Variants in TMEM132C observed in about 807,000 individuals in gnomAD.
TMEM132C encodes the protein transmembrane protein 132C.
Under a neutral mutation model 61.4 loss-of-function variants are expected in TMEM132C, and 29 were observed. The ratio of observed to expected loss-of-function variants is 0.47; its 90% CI spans 0.35 to 0.64. The LOEUF (loss-of-function observed/expected upper bound fraction) is 0.64. Among genes scored for constraint, TMEM132C ranks in the 30% least tolerant of loss-of-function variants. The pLI is 0.00. For missense variants in TMEM132C, 1,408 were observed against 1,476.9 expected, an observed-to-expected ratio of 0.95 and a Z score of 0.76; for synonymous variants, 656 against 633.1, an observed-to-expected ratio of 1.04 and a Z score of -0.54.
chr12:128,398,460 C>A (rs1429917269), intron 1 of TMEM132C, among the ~76,000 whole-genome samples: 1 of 152,200 alleles, frequency 6.6e-6, no homozygotes, highest in Non-Finnish European at 1.5e-5. Flanking sequence ...GGTTTTCATC[C>A]TCATGTGTGA....
intron 3 of TMEM132C, among the ~76,000 whole-genome samples, chr12:128,589,565 G>A (rs60519508): frequency 0.12 from 16,203 of 140,388 alleles, 2,824 homozygotes; most frequent in African/African-American, 0.38. Context: ...GTGACGCATC[G>A]TATAGTAGTA....
At chr12:128,479,537 C>G (rs1871257709) in intron 2 of TMEM132C, among the ~76,000 whole-genome samples, 1 of 152,154 alleles carries the variant, frequency 6.6e-6, no homozygotes, top group Admixed American at 6.5e-5. Context: ...TTGCAGGGTC[C>G]ATTGATAAAG....
chr12:128,485,007 G>A (rs1005874065), intron 2 of TMEM132C, among the ~76,000 whole-genome samples: 11 of 152,050 alleles, frequency 7.2e-5, no homozygotes, highest in Admixed American at 1.3e-4. Flanking sequence ...AGCGAAGGAA[G>A]GAAGGTTGGT....
chr12:128,625,584 C>T (rs1288454515), intron 4 of TMEM132C, among the ~76,000 whole-genome samples: 1 of 152,124 alleles, frequency 6.6e-6, no homozygotes, highest in Non-Finnish European at 1.5e-5. Context: ...GAATTTCGAA[C>T]CAAGTGAAAG....
At chr12:128,469,562 C>T (rs554066657) in intron 2 of TMEM132C, among the ~76,000 whole-genome samples, 1 of 151,992 alleles carries the variant, frequency 6.6e-6, no homozygotes, top group Non-Finnish European at 1.5e-5. Context: ...AGAGATACAC[C>T]CAGCTTTACA....
intron 1 of TMEM132C, among the ~76,000 whole-genome samples, chr12:128,283,060 T>G (rs1368565386): frequency 6.6e-6 from 1 of 152,212 alleles, no homozygotes; most frequent in Non-Finnish European, 1.5e-5. Context: ...ATGTTCAGAG[T>G]CTACGTGATG....
chr12:128,293,803 C>T (rs534751668), intron 1 of TMEM132C, among the ~76,000 whole-genome samples: 9 of 152,262 alleles, frequency 5.9e-5, no homozygotes, highest in East Asian at 1.9e-4. Context: ...ATATATTTCC[C>T]GCATCGTCTC....
chr12:128,414,962 A>G lies in TMEM132C; in HGVS notation c.316A>G (p.Lys106Glu). Residue 106 changes from lysine (K) to glutamate (E), a missense_variant, in exon 2 of 9, where the codon AAG becomes GAG. Physicochemically the swap from Lys to Glu is moderately conservative, Grantham distance 56. Coordinates refer to ENST00000435159, the MANE Select transcript of TMEM132C (RefSeq NM_001136103.3). ...CAGCTATGGACCCTTTTCTGTGGAG[A>G]AGGTTGTGCCTCTGGACTTGATGTT... is the stretch of plus-strand genomic sequence containing the variant. ...NASYGPFSVE[K>E]VVPLDLMLTS... 6.4e-7 allele frequency: 1 copy of G among 1,551,708 alleles called. No individual in the cohort carries two copies. Among genetic ancestry groups the G allele is most frequent in the Non-Finnish European group, 8.7e-7 (1 of 1,147,010 alleles).
chr12:128,591,779 C>A (rs775296018), intron 3 of TMEM132C, among the ~76,000 whole-genome samples: 7 of 152,058 alleles, frequency 4.6e-5, no homozygotes, highest in Non-Finnish European at 1.0e-4. Context: ...CAGCCAGGCA[C>A]GGTGGCTCAT....
At chr12:128,421,689 A>G (rs1205809749) in intron 2 of TMEM132C, among the ~76,000 whole-genome samples, 1 of 152,246 alleles carries the variant, frequency 6.6e-6, no homozygotes, top group Non-Finnish European at 1.5e-5. Context: ...TTATAATCAA[A>G]TTAGTTCATG....
chr12:128,437,210 AG>A (rs1869629382), intron 2 of TMEM132C, among the ~76,000 whole-genome samples: 1 of 152,212 alleles, frequency 6.6e-6, no homozygotes, highest in East Asian at 1.9e-4. Flanking sequence ...ACAAGTTAAT[AG>A]GTACAGCAAA....
At chr12:128,696,528 T>C (rs913481366) in intron 7 of TMEM132C, among the ~76,000 whole-genome samples, 1 of 152,226 alleles carries the variant, frequency 6.6e-6, no homozygotes, top group African/African-American at 2.4e-5. Flanking sequence ...CATTCTGTCT[T>C]CCTGCCATTT....
intron 4 of TMEM132C, among the ~76,000 whole-genome samples, chr12:128,627,039 C>A (rs761192899): frequency 6.6e-5 from 10 of 152,190 alleles, no homozygotes; most frequent in Non-Finnish European, 1.5e-4. Flanking sequence ...CCTCACCCGG[C>A]ATCTTTGTCC....
intron 2 of TMEM132C, among the ~76,000 whole-genome samples, chr12:128,434,955 AT>A (rs1410359295): frequency 1.3e-5 from 2 of 152,098 alleles, no homozygotes; most frequent in Non-Finnish European, 2.9e-5. Flanking sequence ...GTTCCTAGGT[AT>A]TATGGGTTGA....
chr12:128,280,227 G>T (rs995894753), intron 1 of TMEM132C, among the ~76,000 whole-genome samples: 3 of 152,184 alleles, frequency 2.0e-5, no homozygotes, highest in African/African-American at 7.2e-5. Flanking sequence ...CTCCAGGGAA[G>T]TGCCCCCGTC....
intron 1 of TMEM132C, among the ~76,000 whole-genome samples, chr12:128,397,233 T>G (rs1874992904): frequency 1.3e-5 from 2 of 152,230 alleles, no homozygotes; most frequent in Non-Finnish European, 2.9e-5. Flanking sequence ...TGTCTCCACC[T>G]GTGCCCAGGG....
rs141861659 is a variant in TMEM132C, at chr12:128,281,613, G to C, written c.85+14126G>C. 1.7e-4 allele frequency among the ~76,000 whole-genome samples: 26 copies of C among 152,342 alleles called. No individual in the cohort carries two copies. In the East Asian group the frequency reaches 2.5e-3, roughly 15 times the overall value. ...CTCTGAACCCTAGGAGGCTGACCCTGCAAAGGGCAACTCCTGGTTCTTGTA... is the reference window on the plus strand; with the variant it reads ...CTCTGAACCCTAGGAGGCTGACCCTCCAAAGGGCAACTCCTGGTTCTTGTA... On this transcript the variant is annotated intron_variant, in intron 1 of 8. Coordinates refer to ENST00000435159, the MANE Select transcript of TMEM132C (RefSeq NM_001136103.3).
intron 3 of TMEM132C, among the ~76,000 whole-genome samples, chr12:128,552,302 T>C (rs927470158): frequency 2.0e-5 from 3 of 152,244 alleles, no homozygotes; most frequent in African/African-American, 4.8e-5. Flanking sequence ...CATAATATTC[T>C]GTAGATTTTA....
chr12:128,276,006 A>G (rs7973911), intron 1 of TMEM132C, among the ~76,000 whole-genome samples: 18,139 of 152,122 alleles, frequency 0.12, 1,323 homozygotes, highest in East Asian at 0.26. Context: ...TCCCATTCTA[A>G]ATGATCCTTA....
Sources: gnomAD v4.1 joint callset for allele counts (sites outside exome capture counted in the v4.1 genomes callset) on GRCh38, gnomAD v4.1.1 for gene constraint, MANE v1.5 for transcripts, NCBI Gene and HGNC (gene_info 2026-07-23, HGNC 2026-07-21) for gene names.